The following ARHGEF3 variants were observed in gnomAD, a reference collection of about 807,000 sequenced individuals.
ARHGEF3 encodes the protein Rho guanine nucleotide exchange factor 3, also known as 59.8 kDA protein.
In ARHGEF3, 28 loss-of-function variants were observed where a neutral mutation model predicts 63.2. The observed-to-expected ratio is 0.44, with a 90% CI of 0.33 to 0.61. ARHGEF3 has a LOEUF of 0.61. Among genes scored for constraint, ARHGEF3 ranks in the 20% least tolerant of loss-of-function variants. The probability of loss-of-function intolerance (pLI) is 0.03; values close to 1 mark genes in which losing one functional copy is unlikely to be tolerated. For missense variants in ARHGEF3, 533 were observed against 659.3 expected (o/e 0.81, Z 2.10); for synonymous variants, 266 against 254.2 (o/e 1.05, Z -0.44).
chr3:56,795,863 C>T lies in ARHGEF3; in HGVS notation c.96+5840G>A, dbSNP rs1470175840. Among the ~76,000 whole-genome samples the T allele has an allele frequency of 2.6e-5, 4 of 151,802 alleles. 1 individual carries two copies. Reference sequence around the variant, plus strand: ...CACCGTTGGTCAGGCTGGTCTTGAACCCCTGACCTCGTGATCCGACCACCT... The same window carrying T: ...CACCGTTGGTCAGGCTGGTCTTGAATCCCTGACCTCGTGATCCGACCACCT... On this transcript the variant is annotated intron_variant, in intron 1 of 9. Coordinates refer to ENST00000296315, the MANE Select transcript of ARHGEF3 (RefSeq NM_019555.3).
intron 3 of ARHGEF3, chr3:56,958,803 C>A: frequency 6.5e-7 from 1 of 1,547,490 alleles, no homozygotes; most frequent in Middle Eastern, 1.7e-4. Context: ...ACAGCAGGGG[C>A]TACCCAGGGC....
intron 3 of ARHGEF3, among the ~76,000 whole-genome samples, chr3:56,891,504 T>C (rs1181997901): frequency 6.6e-6 from 1 of 152,164 alleles, no homozygotes; most frequent in Non-Finnish European, 1.5e-5. Flanking sequence ...TTTTAACAAA[T>C]ATAATATGCA....
intron 3 of ARHGEF3, among the ~76,000 whole-genome samples, chr3:56,895,759 G>A (rs773699983): frequency 3.9e-5 from 6 of 152,114 alleles, no homozygotes; most frequent in Non-Finnish European, 7.4e-5. Flanking sequence ...CACCGCACCC[G>A]GCCATTCAGG....
At chr3:56,861,865 GTTTT>G (rs10707315) in intron 4 of ARHGEF3, among the ~76,000 whole-genome samples, 1 of 141,762 alleles carries the variant, frequency 7.1e-6, no homozygotes, top group Non-Finnish European at 1.5e-5. Context: ...TAACCTGTTG[GTTTT>G]TTTTTTTTTT....
intron 1 of ARHGEF3, among the ~76,000 whole-genome samples, chr3:56,787,964 G>C (rs2036906231): frequency 2.0e-5 from 3 of 152,156 alleles, no homozygotes; most frequent in African/African-American, 7.2e-5. Flanking sequence ...AGCATTGTTA[G>C]TTTCCTAAAC....
chr3:56,772,367 A>C (rs1301765697), intron 2 of ARHGEF3, among the ~76,000 whole-genome samples: 1 of 152,098 alleles, frequency 6.6e-6, no homozygotes, highest in Non-Finnish European at 1.5e-5. Context: ...CTGAGGGAGA[A>C]CCTCAAACAG....
At chr3:56,958,714 T>C in intron 3 of ARHGEF3, 1 of 1,173,686 alleles carries the variant, frequency 8.5e-7, no homozygotes, top group Non-Finnish European at 1.2e-6. Flanking sequence ...GCGCTCCTGA[T>C]GGAGACTTTG....
Position 56,890,836 on chromosome 3 carries a change from T to G in ARHGEF3, c.130-8482A>C, listed in dbSNP as rs77671157. On this transcript the variant is annotated intron_variant, in intron 3 of 12. Transcript: ENST00000338458. ...GGTGACCAGAGCAGCAAAAACGTAC[T>G]GATTGAGAGAGTGCAGCTCCTGACT... Among the ~76,000 whole-genome samples, 62 of 152,322 alleles carry G rather than the reference T, an allele frequency of 4.1e-4. 1 individual carries two copies. The East Asian group carries it at 8.5e-3, about 21-fold the overall frequency.
chr3:56,884,215 G>A (rs1007124649), intron 3 of ARHGEF3, among the ~76,000 whole-genome samples: 1 of 152,172 alleles, frequency 6.6e-6, no homozygotes, highest in Non-Finnish European at 1.5e-5. Context: ...AGGAAGAGGA[G>A]TAAATATAGT....
In ARHGEF3 at chr3:57,025,314, C is replaced by G. The variant is rs114319182; in HGVS notation, c.62+9774G>C. Among the ~76,000 whole-genome samples, 1,198 of 152,262 alleles carry G rather than the reference C, an allele frequency of 7.9e-3. 11 individuals are homozygous for G. Among genetic ancestry groups the G allele is most frequent in the African/African-American group, 0.026 (1,077 of 41,546 alleles). On this transcript the variant is annotated intron_variant, in intron 2 of 12. Transcript: ENST00000338458. ...CATAAAACTTCAGAGCTGTGAAAAA[C>G]CATCACCATCTTTACAATGACACAA...
chr3:57,051,962 CA>C (rs35569376), intron 1 of ARHGEF3, among the ~76,000 whole-genome samples: 2,153 of 142,776 alleles, frequency 0.015, 25 homozygotes, highest in Admixed American at 0.028. Flanking sequence ...GAGTCTGCCT[CA>C]AAAAAAAAAA....
chr3:56,930,758 G>A (rs1395117749), intron 3 of ARHGEF3, among the ~76,000 whole-genome samples: 1 of 152,186 alleles, frequency 6.6e-6, no homozygotes, highest in Non-Finnish European at 1.5e-5. Flanking sequence ...AATGCATGTA[G>A]TAAGTGAAGG....
At chr3:57,061,069 C>A (rs1349211683) in intron 1 of ARHGEF3, among the ~76,000 whole-genome samples, 1 of 152,136 alleles carries the variant, frequency 6.6e-6, no homozygotes, top group Non-Finnish European at 1.5e-5. Context: ...TTACCATTAT[C>A]CATTTCCAGA....
chr3:57,035,290 A>G (rs1158129129), intron 1 of ARHGEF3: 1 of 491,232 alleles, frequency 2.0e-6, no homozygotes, highest in Non-Finnish European at 3.4e-6. Context: ...CCCAGTGTCC[A>G]CCAAAATCCA....
intron 2 of ARHGEF3, among the ~76,000 whole-genome samples, chr3:57,026,166 A>G (rs1703465125): frequency 6.6e-6 from 1 of 152,150 alleles, no homozygotes; most frequent in Non-Finnish European, 1.5e-5. Flanking sequence ...TTAGGAGGCC[A>G]AGGCAGAAGG....
intron 4 of ARHGEF3, among the ~76,000 whole-genome samples, chr3:56,827,731 C>T (rs1239604575): frequency 6.9e-5 from 7 of 102,188 alleles, no homozygotes; most frequent in African/African-American, 2.4e-4. Flanking sequence ...GCCTGGGCAA[C>T]GTGGCAAAAC....
At position 56,764,820 on chromosome 3, in the gene ARHGEF3, G is replaced by A. The variant is rs564955100; in HGVS notation, c.204+8889C>T. On this transcript the variant is annotated intron_variant, in intron 2 of 9. Coordinates refer to ENST00000296315, the MANE Select transcript of ARHGEF3 (RefSeq NM_019555.3). ...TGCCCAGGCTGGAATGAAGTGGCAC[G>A]ATCTCAGCTCACTGCAGCCTCCGCC... Among the ~76,000 whole-genome samples the A allele has an allele frequency of 4.0e-5, 6 of 149,644 alleles. No individual in the cohort carries two copies. In the South Asian group the frequency reaches 1.1e-3, roughly 26 times the overall value.
chr3:56,808,226 G>A (rs2037935544), intron 4 of ARHGEF3, among the ~76,000 whole-genome samples: 1 of 151,976 alleles, frequency 6.6e-6, no homozygotes, highest in Non-Finnish European at 1.5e-5. Flanking sequence ...TTAAAGGAGA[G>A]TATCTCTCTC....
Position 56,742,877 on chromosome 3 carries a change from T to C in ARHGEF3, c.870+2328A>G, listed in dbSNP as rs183524375. 1.1e-4 allele frequency among the ~76,000 whole-genome samples: 17 copies of C among 152,342 alleles called. No individual in the cohort carries two copies. The East Asian group carries it at 2.7e-3, about 24-fold the overall frequency. On this transcript the variant is annotated intron_variant, in intron 7 of 9. Transcript: ENST00000296315. ...CATTTTGAATTACACACAATCATAT[T>C]CTTATCTGTTTTTAAATTCAAACTT...
Sources: gnomAD v4.1 joint callset for allele counts (sites outside exome capture counted in the v4.1 genomes callset) on GRCh38, gnomAD v4.1.1 for gene constraint, MANE v1.5 for transcripts, NCBI Gene and HGNC (gene_info 2026-07-23, HGNC 2026-07-21) for gene names.